The following WDFY4 variants were observed in gnomAD, a reference collection of about 807,000 sequenced individuals.
WDFY4 encodes the protein WDFY family member 4, also known as WD repeat- and FYVE domain-containing protein 4.
Under a neutral mutation model 351.9 loss-of-function variants are expected in WDFY4, and 169 were observed. The observed-to-expected ratio is 0.48, with a 90% CI of 0.42 to 0.55. The LOEUF (loss-of-function observed/expected upper bound fraction) is 0.55, where lower values mean the gene tolerates loss of function less well. WDFY4 is among the 20% of genes least tolerant of loss of function. WDFY4 has a pLI of 0.00. For missense variants in WDFY4, 3,803 were observed against 3,935.6 expected (o/e 0.97, Z 0.90); for synonymous variants, 1,622 against 1,574.6 (o/e 1.03, Z -0.71).
Position 48,811,629 on chromosome 10 carries a change from T to A in WDFY4, c.5135T>A (p.Val1712Asp). ...TTGAATGACTTTCTGGCCCACCACGTCCACATTCCAGAGGTCTACCTCATC... is the reference window on the plus strand; with the variant it reads ...TTGAATGACTTTCTGGCCCACCACGACCACATTCCAGAGGTCTACCTCATC... ...RVLNDFLAHH[V>D]HIPEVYLIVS... is the part of the protein sequence containing the mutation. Residue 1712 changes from valine to aspartate, a missense_variant, in exon 30 of 62, where the codon GTC becomes GAC. Physicochemically the swap from Val to Asp is radical, Grantham distance 152 (BLOSUM62 -3). Transcript: ENST00000325239. 1 of 1,551,922 alleles carries A rather than the reference T, an allele frequency of 6.4e-7. No individual in the cohort carries two copies. The highest frequency in any genetic ancestry group is 8.7e-7 in the Non-Finnish European group (1 of 1,147,046).
At chr10:48,697,978 C>T (rs1407833714) in intron 1 of WDFY4, among the ~76,000 whole-genome samples, 3 of 152,194 alleles carry the variant, frequency 2.0e-5, no homozygotes, top group Admixed American at 6.5e-5. Flanking sequence ...ACGGGTGCGC[C>T]TGTCCTCCAT....
At chr10:48,923,837 T>C (rs1002582197) in intron 47 of WDFY4, among the ~76,000 whole-genome samples, 2 of 152,106 alleles carry the variant, frequency 1.3e-5, no homozygotes, top group Non-Finnish European at 2.9e-5. Context: ...AAAATTCAGC[T>C]CAGGGAGGCC....
At chr10:48,930,553 A>G (rs1192845266) in intron 47 of WDFY4, among the ~76,000 whole-genome samples, 1 of 152,296 alleles carries the variant, frequency 6.6e-6, no homozygotes. Context: ...GAAGCAAGGA[A>G]ACGGCTGGTA....
intron 60 of WDFY4, among the ~76,000 whole-genome samples, chr10:48,980,961 G>A (rs778632033): frequency 2.6e-5 from 4 of 152,120 alleles, no homozygotes; most frequent in African/African-American, 9.7e-5. Context: ...TGATAATGCC[G>A]ACTTTATGTA....
At position 48,892,033 on chromosome 10, in the gene WDFY4, G is replaced by A. The variant is rs141046133; in HGVS notation, c.7316+1306G>A. 2.0e-3 allele frequency among the ~76,000 whole-genome samples: 306 copies of A among 152,274 alleles called. 1 individual carries two copies. Among genetic ancestry groups the A allele is most frequent in the African/African-American group, 6.9e-3 (286 of 41,550 alleles). ...TGTGAGTCTTCTGTGCTTCTCCAAG[G>A]CAGGAGAAGCATAATTAATACTTGG... On this transcript the variant is annotated intron_variant, in intron 44 of 61. Coordinates refer to ENST00000325239, the MANE Select transcript of WDFY4 (RefSeq NM_001394531.1).
intron 27 of WDFY4, among the ~76,000 whole-genome samples, chr10:48,806,795 C>A (rs2067271737): frequency 6.6e-6 from 1 of 152,136 alleles, no homozygotes; most frequent in African/African-American, 2.4e-5. Context: ...CCACATATAG[C>A]CATTTAAATT....
At chr10:48,908,242 C>A (rs1293057555) in intron 47 of WDFY4, among the ~76,000 whole-genome samples, 1 of 152,238 alleles carries the variant, frequency 6.6e-6, no homozygotes, top group Admixed American at 6.5e-5. Context: ...AACCTTTATG[C>A]TCCCACACCA....
At chr10:48,702,274 C>T (rs1219485543) in intron 1 of WDFY4, among the ~76,000 whole-genome samples, 1 of 152,112 alleles carries the variant, frequency 6.6e-6, no homozygotes, top group Non-Finnish European at 1.5e-5. Flanking sequence ...AGAACTGCTA[C>T]TAAATAGCAA....
chr10:48,927,467 A>T (rs952370852), intron 47 of WDFY4, among the ~76,000 whole-genome samples: 3 of 152,178 alleles, frequency 2.0e-5, no homozygotes, highest in South Asian at 4.1e-4. Context: ...CCATTACGTC[A>T]AAACTTCCAC....
At chr10:48,976,751 C>T (rs1261686400) in intron 58 of WDFY4, 46 bp from the exon 59 acceptor site, 4 of 1,302,146 alleles carry the variant, frequency 3.1e-6, no homozygotes, top group Non-Finnish European at 3.0e-6. Flanking sequence ...GGCTGATGGG[C>T]AGGCAGTGAC....
chr10:48,917,023 C>T (rs915443085), intron 47 of WDFY4, among the ~76,000 whole-genome samples: 3 of 152,060 alleles, frequency 2.0e-5, no homozygotes, highest in Non-Finnish European at 4.4e-5. Context: ...GGTTTAGATA[C>T]ACAAATACTT....
chr10:48,921,232 A>G (rs141652831), intron 47 of WDFY4, among the ~76,000 whole-genome samples: 22 of 152,324 alleles, frequency 1.4e-4, no homozygotes, highest in Non-Finnish European at 2.6e-4. Context: ...CCATATAGTT[A>G]CAGCATGTGG....
chr10:48,686,814 C>A (rs1266309372), intron 1 of WDFY4, among the ~76,000 whole-genome samples: 1 of 152,016 alleles, frequency 6.6e-6, no homozygotes, highest in Non-Finnish European at 1.5e-5. Flanking sequence ...ATAAGCAGTG[C>A]CGCTAGAACT....
rs774980462 is a variant in WDFY4 at position 48,786,886 on chromosome 10, A to G, written c.3808+16A>G. 1 of 1,545,066 alleles carries G rather than the reference A, an allele frequency of 6.5e-7. No individual in the cohort carries two copies. The highest frequency in any genetic ancestry group is 2.4e-5 in the East Asian group (1 of 40,878). ...CATGTCCAAGGTATGGAGTGTTTTGATTTACAATGTTCTTGCTGATATTAG... is the reference window on the plus strand; with the variant it reads ...CATGTCCAAGGTATGGAGTGTTTTGGTTTACAATGTTCTTGCTGATATTAG... On this transcript the variant is annotated intron_variant, in intron 20 of 61. Coordinates refer to ENST00000325239, the MANE Select transcript of WDFY4 (RefSeq NM_001394531.1).
chr10:48,825,873 T>A (rs1310562145), intron 35 of WDFY4, among the ~76,000 whole-genome samples: 1 of 152,238 alleles, frequency 6.6e-6, no homozygotes, highest in African/African-American at 2.4e-5. Context: ...GTTAGATGGA[T>A]AGATTCCAAA....
intron 13 of WDFY4, among the ~76,000 whole-genome samples, chr10:48,762,748 G>T (rs2065547193): frequency 6.6e-6 from 1 of 152,234 alleles, no homozygotes; most frequent in Admixed American, 6.5e-5. Context: ...GCCTCTGCCT[G>T]TGTCCCTCCA....
In WDFY4 at chr10:48,978,367, C is replaced by T. The variant is rs1842665866; in HGVS notation, c.9350C>T (p.Pro3117Leu). The T allele has an allele frequency of 6.4e-7, 1 of 1,551,266 alleles. No individual in the cohort carries two copies. The stretch of plus-strand genomic sequence containing the variant: ...CCTGGACGGCCAGCAGGAGAGGAGC[C>T]CCCGGCTCAGCCTCCAAGCCCAAGA... ...SVPGRPAGEE[P>L]PAQPPSPRGH... The change falls in exon 60 of 62, where the codon CCC becomes CTC. Residue 3117 changes from proline (P) to leucine (L), a missense_variant. Pro to Leu is a moderately conservative substitution (Grantham distance 98). Coordinates refer to ENST00000325239, the MANE Select transcript of WDFY4 (RefSeq NM_001394531.1).
chr10:48,733,297 TTTCA>T (rs57440826), intron 9 of WDFY4, among the ~76,000 whole-genome samples: 6 of 152,100 alleles, frequency 3.9e-5, no homozygotes, highest in Admixed American at 1.3e-4. Context: ...TAAACTCTAT[TTTCA>T]TTCATTCATT....
chr10:48,943,227 C>G lies in WDFY4; in HGVS notation c.7630-103C>G, dbSNP rs1035604515. ...CCGAGGGGCTGGCTGCCTGTCCTCA[C>G]CCACAGAGCCAGGGCCTGCTGCCGA... On this transcript the variant is annotated intron_variant, in intron 48 of 61. Coordinates refer to ENST00000325239, the MANE Select transcript of WDFY4 (RefSeq NM_001394531.1). 29 of 1,400,888 alleles carry G rather than the reference C, an allele frequency of 2.1e-5. 1 individual carries two copies. In the Admixed American group the frequency reaches 6.2e-4, roughly 30 times the overall value. 86.8% of individuals were successfully genotyped at this position (1,400,888 alleles called of 1,614,324 possible).
Sources: gnomAD v4.1 joint callset for allele counts (sites outside exome capture counted in the v4.1 genomes callset) on GRCh38, gnomAD v4.1.1 for gene constraint, MANE v1.5 for transcripts, NCBI Gene and HGNC (gene_info 2026-07-23, HGNC 2026-07-21) for gene names.